SHISA9: variants seen among roughly 807,000 people sequenced by gnomAD.
The protein encoded by SHISA9 is protein shisa-9.
A neutral mutation model predicts 38.0 loss-of-function variants in SHISA9; 13 were observed. The observed-to-expected ratio is 0.34, with a 90% CI of 0.22 to 0.54. The LOEUF is 0.54. Among genes scored for constraint, SHISA9 ranks in the 20% least tolerant of loss-of-function variants. The pLI, the probability that SHISA9 is intolerant of heterozygous loss-of-function variation, is 0.91. For missense variants in SHISA9, 538 were observed against 575.8 expected, an observed-to-expected ratio of 0.93 and a Z score of 0.67; for synonymous variants, 275 against 242.0, an observed-to-expected ratio of 1.14 and a Z score of -1.27.
chr16:13,412,970 TAAATAAATAAAG>T, the SHISA9 span, among the ~76,000 whole-genome samples: 2 of 151,696 alleles, frequency 1.3e-5, no homozygotes, highest in Non-Finnish European at 2.9e-5. Flanking sequence ...AATAAATAAA[TAAATAAATAAAG>T]GAATGAATGA....
chr16:13,265,388 T>TTCCTC, the SHISA9 span, among the ~76,000 whole-genome samples: 14 of 78,132 alleles, frequency 1.8e-4, no homozygotes, highest in African/African-American at 6.7e-4. Context: ...CTTCCCTCCC[T>TTCCTC]TCCTCTCCTC....
chr16:13,125,536 A>G lies in SHISA9; in HGVS notation c.692-77858A>G, dbSNP rs78883779. Among the ~76,000 whole-genome samples, 498 of 152,320 alleles carry G rather than the reference A, an allele frequency of 3.3e-3. 3 individuals carry two copies. Among genetic ancestry groups the G allele is most frequent in the African/African-American group, 0.011 (475 of 41,568 alleles). The stretch of plus-strand genomic sequence containing the variant: ...TTACAGTCATGAATTTAGAAACTAC[A>G]AGTGTAATTTGCCACATTCTTACTT... On this transcript the variant is annotated intron_variant, in intron 2 of 4. Transcript: ENST00000558583.
At chr16:13,434,666 C>T in the SHISA9 span, among the ~76,000 whole-genome samples, 1 of 152,104 alleles carries the variant, frequency 6.6e-6, no homozygotes, top group African/African-American at 2.4e-5. Context: ...GATCCGCCCA[C>T]CTCGGCGTCC....
chr16:13,033,502 T>C (rs2073016703), intron 2 of SHISA9, among the ~76,000 whole-genome samples: 1 of 152,210 alleles, frequency 6.6e-6, no homozygotes, highest in Non-Finnish European at 1.5e-5. Context: ...ATCATAGTAG[T>C]AGCTGCCAAG....
the SHISA9 span, among the ~76,000 whole-genome samples, chr16:13,554,770 G>T: frequency 6.9e-4 from 105 of 152,324 alleles, no homozygotes; most frequent in African/African-American, 2.4e-3. Context: ...ACCGTGCCCA[G>T]TTCATTTGTT....
At chr16:13,027,927 CAAAAACAAA>C (rs1390718907) in intron 2 of SHISA9, among the ~76,000 whole-genome samples, 14 of 29,414 alleles carry the variant, frequency 4.8e-4, no homozygotes, top group African/African-American at 2.0e-3. Context: ...AGCTCTGTCT[CAAAAACAAA>C]AAAAAAAAAA....
At chr16:13,156,733 CAAAAAAAAAA>C (rs11289895) in intron 2 of SHISA9, among the ~76,000 whole-genome samples, 1 of 111,448 alleles carries the variant, frequency 9.0e-6, no homozygotes, top group African/African-American at 3.6e-5. Flanking sequence ...GACTCCGTCT[CAAAAAAAAAA>C]AAAAAAAAAA....
intron 2 of SHISA9, among the ~76,000 whole-genome samples, chr16:12,921,109 A>G (rs1296505993): frequency 1.3e-5 from 2 of 152,250 alleles, no homozygotes; most frequent in Non-Finnish European, 2.9e-5. Flanking sequence ...TCATAGGACA[A>G]AGACTTTCAT....
chr16:13,476,900 C>T, the SHISA9 span, among the ~76,000 whole-genome samples: 4 of 151,940 alleles, frequency 2.6e-5, no homozygotes, highest in East Asian at 3.9e-4. Flanking sequence ...AGGCGCCCAC[C>T]ACCACACCCA....
the SHISA9 span, among the ~76,000 whole-genome samples, chr16:13,540,883 T>C: frequency 1.3e-5 from 2 of 152,208 alleles, no homozygotes; most frequent in African/African-American, 4.8e-5. Flanking sequence ...TGCCATCTCA[T>C]TTGCTGTCTC....
chr16:13,074,643 TC>T (rs2073559331), intron 2 of SHISA9, among the ~76,000 whole-genome samples: 1 of 151,936 alleles, frequency 6.6e-6, no homozygotes, highest in Admixed American at 6.6e-5. Context: ...ATTATTTTTT[TC>T]TTTTCTTTTC....
chr16:13,297,490 GACAGT>G, the SHISA9 span, among the ~76,000 whole-genome samples: 1 of 152,168 alleles, frequency 6.6e-6, no homozygotes, highest in Non-Finnish European at 1.5e-5. Flanking sequence ...CTGGGGTTGA[GACAGT>G]TGCAGGTGGT....
chr16:13,484,149 C>T, the SHISA9 span, among the ~76,000 whole-genome samples: 1 of 152,066 alleles, frequency 6.6e-6, no homozygotes. Context: ...GTATTCCCTG[C>T]TTGGCGTGTG....
chr16:13,123,463 C>G (rs1011008132), intron 2 of SHISA9, among the ~76,000 whole-genome samples: 11 of 152,160 alleles, frequency 7.2e-5, no homozygotes, highest in African/African-American at 2.7e-4. Context: ...GATTAGTGGT[C>G]TAGTTGCTAT....
chr16:12,915,854 C>G (rs1487546171), intron 1 of SHISA9, among the ~76,000 whole-genome samples: 2 of 152,052 alleles, frequency 1.3e-5, no homozygotes, highest in Non-Finnish European at 2.9e-5. Flanking sequence ...AAATATATAT[C>G]TTTCAAGGAT....
At chr16:13,479,888 C>G in the SHISA9 span, among the ~76,000 whole-genome samples, 3 of 152,194 alleles carry the variant, frequency 2.0e-5, no homozygotes, top group African/African-American at 7.2e-5. Flanking sequence ...GTTCCATTTC[C>G]TATGTTCTTC....
In SHISA9 at chr16:13,235,632, G is replaced by A; in HGVS notation, c.*223G>A. On this transcript the variant is annotated 3_prime_UTR_variant, in exon 5 of 5. Transcript: ENST00000558583. ...AGAAAGACCGAAGCGTGGACATTCA[G>A]CAATACAGCAAAGGGGAAAATGAGG... 1.8e-6 allele frequency: 1 copy of A among 555,954 alleles called. No individual in the cohort carries two copies. 34.4% of individuals were successfully genotyped at this position (555,954 alleles called of 1,614,324 possible).
At chr16:13,205,840 C>T (rs1464704664) in intron 3 of SHISA9, among the ~76,000 whole-genome samples, 1 of 152,110 alleles carries the variant, frequency 6.6e-6, no homozygotes, top group Non-Finnish European at 1.5e-5. Context: ...CGGTTCACTG[C>T]AACATCCGTC....
chr16:13,427,535 G>A, the SHISA9 span, among the ~76,000 whole-genome samples: 1 of 152,204 alleles, frequency 6.6e-6, no homozygotes, highest in Non-Finnish European at 1.5e-5. Context: ...AAAAAACAAA[G>A]CCTTGTGGAA....
Sources: allele counts gnomAD v4.1 joint callset (sites outside exome capture counted in the v4.1 genomes callset), GRCh38; gene constraint gnomAD v4.1.1; transcripts MANE v1.5; gene names NCBI Gene and HGNC (gene_info 2026-07-23, HGNC 2026-07-21).